PACRG: variants seen among roughly 807,000 people sequenced by gnomAD.
PACRG encodes the protein parkin coregulated gene protein.
A neutral mutation model predicts 29.7 loss-of-function variants in PACRG; 29 were observed. The observed-to-expected ratio is 0.98, with a 90% confidence interval of 0.73 to 1.33. The LOEUF is 1.33. Among genes scored for constraint, PACRG ranks in the 40% most tolerant of loss-of-function variants. The probability of loss-of-function intolerance (pLI) is 0.00; values close to 1 mark genes in which losing one functional copy is unlikely to be tolerated. For synonymous variants in PACRG, 116 were observed against 118.7 expected (o/e 0.98, Z 0.15); for missense variants, 279 against 316.2 (o/e 0.88, Z 0.89).
intron 2 of PACRG, among the ~76,000 whole-genome samples, chr6:162,987,620 A>C (rs1803017207): frequency 6.6e-6 from 1 of 152,108 alleles, no homozygotes; most frequent in Admixed American, 6.6e-5. Flanking sequence ...ACCTTCCGCC[A>C]TGATTATGAA....
At chr6:162,926,067 G>C (rs977126481) in intron 2 of PACRG, among the ~76,000 whole-genome samples, 3 of 152,018 alleles carry the variant, frequency 2.0e-5, no homozygotes, top group Admixed American at 2.0e-4. Context: ...GCTATGAAGA[G>C]AATAAAATAC....
At chr6:162,867,261 C>T (rs1427647021) in intron 2 of PACRG, among the ~76,000 whole-genome samples, 2 of 152,168 alleles carry the variant, frequency 1.3e-5, no homozygotes, top group African/African-American at 4.8e-5. Flanking sequence ...CCTCAGGACC[C>T]TACCTTGTGT....
chr6:162,727,478 TG>T (rs1779320416), upstream of PACRG, among the ~76,000 whole-genome samples: 1 of 147,788 alleles, frequency 6.8e-6, no homozygotes, highest in South Asian at 2.4e-4. Flanking sequence ...ACGCACACAC[TG>T]GGGCCCCGGA....
At chr6:163,088,167 C>T (rs922091690) in intron 3 of PACRG, among the ~76,000 whole-genome samples, 1 of 152,128 alleles carries the variant, frequency 6.6e-6, no homozygotes. Context: ...TCAGGACTGC[C>T]TCAGAGATGT....
intron 4 of PACRG, among the ~76,000 whole-genome samples, chr6:163,131,700 A>T (rs1816748343): frequency 6.6e-6 from 1 of 152,110 alleles, no homozygotes; most frequent in Non-Finnish European, 1.5e-5. Context: ...AATCGGAGCG[A>T]TCCTACCTCC....
chr6:162,949,278 C>T (rs1282803210), intron 2 of PACRG, among the ~76,000 whole-genome samples: 2 of 152,054 alleles, frequency 1.3e-5, no homozygotes, highest in East Asian at 3.9e-4. Flanking sequence ...CATGTTCTCC[C>T]TCATATGTGG....
chr6:162,945,033 A>G (rs774174938), intron 2 of PACRG, among the ~76,000 whole-genome samples: 6 of 152,116 alleles, frequency 3.9e-5, no homozygotes, highest in Non-Finnish European at 8.8e-5. Context: ...AAATAAATAG[A>G]AGACTGAAAT....
chr6:163,052,368 A>G (rs1281163915), intron 2 of PACRG, among the ~76,000 whole-genome samples: 1 of 152,226 alleles, frequency 6.6e-6, no homozygotes, highest in Non-Finnish European at 1.5e-5. Context: ...AGATATTTTC[A>G]ATGAAATTTT....
chr6:163,136,371 T>C (rs1816937766), intron 4 of PACRG, among the ~76,000 whole-genome samples: 1 of 152,220 alleles, frequency 6.6e-6, no homozygotes, highest in South Asian at 2.1e-4. Context: ...TGTGTTTCTA[T>C]TTGAATTTGA....
chr6:163,283,042 T>C (rs1784272470), intron 4 of PACRG, among the ~76,000 whole-genome samples: 1 of 152,256 alleles, frequency 6.6e-6, no homozygotes, highest in Non-Finnish European at 1.5e-5. Context: ...GTGTCTTTTG[T>C]GTATGTATAA....
In PACRG at chr6:163,295,021, G is replaced by A. The variant is rs79560029; in HGVS notation, c.614-19806G>A. On this transcript the variant is annotated intron_variant, in intron 4 of 4. Transcript: ENST00000366888. ...GTAACATTATCAACTTTCCAAGGTTGTTGTGGGGATTAATGAGAATTCAAA... is the reference window on the plus strand; with the variant it reads ...GTAACATTATCAACTTTCCAAGGTTATTGTGGGGATTAATGAGAATTCAAA... Among the ~76,000 whole-genome samples, 3 of 152,262 alleles carry A rather than the reference G, an allele frequency of 2.0e-5. No individual in the cohort carries two copies. The East Asian group carries it at 5.8e-4, about 29-fold the overall frequency.
intron 2 of PACRG, among the ~76,000 whole-genome samples, chr6:162,849,212 C>A (rs1790659393): frequency 6.6e-6 from 1 of 152,090 alleles, no homozygotes; most frequent in Admixed American, 6.5e-5. Flanking sequence ...GAAAAAAGGA[C>A]CCTTTAAGAC....
intron 1 of PACRG, among the ~76,000 whole-genome samples, chr6:162,787,239 G>A (rs1784529375): frequency 6.6e-6 from 1 of 151,970 alleles, no homozygotes; most frequent in African/African-American, 2.4e-5. Context: ...TTACCTATTG[G>A]AGAAGCTACA....
chr6:162,777,187 T>C lies in PACRG; in HGVS notation c.157-36960T>C, dbSNP rs1783713741. 6.6e-6 allele frequency among the ~76,000 whole-genome samples: 1 copy of C among 152,224 alleles called. No homozygotes were observed. The highest frequency in any genetic ancestry group is 6.5e-5 in the Admixed American group (1 of 15,286). The stretch of plus-strand genomic sequence containing the variant: ...AAACCCTGATCTCTCTTCAGGGGCC[T>C]CTTCAAAAGTTCAGTATCAGACTCA... On this transcript the variant is annotated intron_variant, in intron 1 of 4. Transcript: ENST00000366888. The surrounding 1 kb of genome is among the most constrained non-coding windows in gnomAD (Gnocchi z 4.0).
At chr6:163,003,729 A>G (rs1804786073) in intron 2 of PACRG, among the ~76,000 whole-genome samples, 3 of 152,202 alleles carry the variant, frequency 2.0e-5, no homozygotes, top group African/African-American at 4.8e-5. Flanking sequence ...AATCATGATA[A>G]CAATATCTGT....
At chr6:163,038,543 A>T (rs1808412131) in intron 2 of PACRG, among the ~76,000 whole-genome samples, 1 of 152,162 alleles carries the variant, frequency 6.6e-6, no homozygotes, top group Admixed American at 6.5e-5. Flanking sequence ...CAGAGAGGAG[A>T]GAGACTGCTA....
chr6:163,050,453 A>G (rs1463531156), intron 2 of PACRG, among the ~76,000 whole-genome samples: 1 of 152,144 alleles, frequency 6.6e-6, no homozygotes, highest in African/African-American at 2.4e-5. Context: ...TAAAAAACTC[A>G]TAATAGTCAC....
chr6:163,002,759 T>G (rs1804703530), intron 2 of PACRG, among the ~76,000 whole-genome samples: 1 of 152,198 alleles, frequency 6.6e-6, no homozygotes, highest in Non-Finnish European at 1.5e-5. Flanking sequence ...ACTTTCTGTG[T>G]GTGAAAGTGT....
intron 4 of PACRG, among the ~76,000 whole-genome samples, chr6:163,206,312 A>G (rs1780900361): frequency 6.6e-6 from 1 of 152,210 alleles, no homozygotes; most frequent in Admixed American, 6.5e-5. Flanking sequence ...AAATCAACCT[A>G]AATGCCCATC....
Sources: gnomAD v4.1 joint callset for allele counts (sites outside exome capture counted in the v4.1 genomes callset) on GRCh38, gnomAD v4.1.1 for gene constraint, Gnocchi (gnomAD v3.1) non-coding constraint, MANE v1.5 for transcripts, NCBI Gene and HGNC (gene_info 2026-07-23, HGNC 2026-07-21) for gene names.